Variants in DLGAP3 observed in about 807,000 individuals in gnomAD.
DLGAP3 encodes DLG associated protein 3.
Under a neutral mutation model 81.2 loss-of-function variants are expected in DLGAP3, and 17 were observed. The ratio of observed to expected loss-of-function variants is 0.21; its 90% CI spans 0.14 to 0.31. The LOEUF is 0.31. Among genes scored for constraint, DLGAP3 ranks in the 10% least tolerant of loss-of-function variants. DLGAP3 has a pLI of 1.00. For missense variants in DLGAP3, 1,124 were observed against 1,388.0 expected (o/e 0.81, Z 3.02); for synonymous variants, 577 against 587.4 (o/e 0.98, Z 0.26).
rs554804086 is a variant in DLGAP3, at chr1:34,877,676, T to C, written c.2000+7302A>G. ...GAGAAACTTAAGAAGGAAATTAAAGTGTTCCAAGATTCTTGTTTTGTGCCT... is the reference window on the plus strand; with the variant it reads ...GAGAAACTTAAGAAGGAAATTAAAGCGTTCCAAGATTCTTGTTTTGTGCCT... On this transcript the variant is annotated intron_variant, in intron 8 of 11. Coordinates refer to ENST00000373347, the MANE Select transcript of DLGAP3 (RefSeq NM_001080418.3). Among the ~76,000 whole-genome samples the C allele has an allele frequency of 1.3e-3, 202 of 152,200 alleles. 2 individuals carry two copies. The highest frequency in any genetic ancestry group is 2.2e-3 in the Non-Finnish European group (150 of 68,004).
chr1:34,912,797 G>A (rs909922700), intron 1 of DLGAP3, among the ~76,000 whole-genome samples: 6 of 152,140 alleles, frequency 3.9e-5, no homozygotes, highest in African/African-American at 1.4e-4. Context: ...CCTTCACACT[G>A]GGAGCCCTAA....
Position 34,867,124 on chromosome 1 carries a change from G to C in DLGAP3, c.2645C>G (p.Ser882Cys), listed in dbSNP as rs1638896428. 6.2e-7 allele frequency: 1 copy of C among 1,614,076 alleles called. No homozygotes were observed. Among genetic ancestry groups the C allele is most frequent in the Non-Finnish European group, 8.5e-7 (1 of 1,180,038 alleles). The change falls in exon 11 of 12, where the codon TCC becomes TGC. Residue 882 changes from serine to cysteine, a missense_variant. By Grantham distance (112) the Ser-to-Cys change is moderately radical. Coordinates refer to ENST00000373347, the MANE Select transcript of DLGAP3 (RefSeq NM_001080418.3). This position sits in a 1 kb window ranked among gnomAD's most constrained non-coding sequence, Gnocchi z 4.3. Reference protein sequence around the residue: ...LAGFWDLLQLSIEDVTLKFLE... With the variant: ...LAGFWDLLQLCIEDVTLKFLE... ...GAACTTGAGGGTCACATCCTCGATG[G>C]AGAGCTGTAGGAGGTCCCAGAAACC...
chr1:34,884,101 T>C (rs1008182910), intron 8 of DLGAP3, among the ~76,000 whole-genome samples: 2 of 151,968 alleles, frequency 1.3e-5, no homozygotes, highest in African/African-American at 4.8e-5. Flanking sequence ...GTATTTTTAG[T>C]AGAGATGGGG....
At position 34,919,915 on chromosome 1, in the gene DLGAP3, A is replaced by G. The variant is rs1639772089; in HGVS notation, c.-135+9536T>C. On this transcript the variant is annotated intron_variant, in intron 1 of 11. Coordinates refer to ENST00000373347, the MANE Select transcript of DLGAP3 (RefSeq NM_001080418.3). The stretch of plus-strand genomic sequence containing the variant: ...CCCATATACCTGAATTCACATCACA[A>G]CCCTGGGGACAAATCATTCCTAAGT... Among the ~76,000 whole-genome samples the G allele has an allele frequency of 2.6e-5, 4 of 152,118 alleles. No homozygotes were observed. The South Asian group carries it at 8.3e-4, about 32-fold the overall frequency.
In DLGAP3 at chr1:34,868,551, G is replaced by C. The variant is rs1231889926; in HGVS notation, c.2485+54C>G. On this transcript the variant is annotated intron_variant, in intron 9 of 11. Transcript: ENST00000373347. This position sits in a 1 kb window ranked among gnomAD's most constrained non-coding sequence, Gnocchi z 7.5. ...AGCCACCCCCATCAGGGTCTCCTGA[G>C]CACACACGAGGCCATGGTCCCCAGA... 4 of 1,501,208 alleles carry C rather than the reference G, an allele frequency of 2.7e-6. No individual in the cohort carries two copies. The highest frequency in any genetic ancestry group is 1.7e-5 in the Admixed American group (1 of 59,804). 93.0% of individuals were successfully genotyped at this position (1,501,208 alleles called of 1,614,324 possible). A position where few individuals can be genotyped will look rare whatever the true frequency, so the allele number is the denominator to read the frequency against.
At chr1:34,898,626 T>C (rs923244293) in intron 5 of DLGAP3, among the ~76,000 whole-genome samples, 12 of 152,216 alleles carry the variant, frequency 7.9e-5, no homozygotes, top group Admixed American at 2.6e-4. Flanking sequence ...CTAACCTTTA[T>C]TGAGTGCTGG....
Position 34,868,672 on chromosome 1 carries a change from C to T in DLGAP3, c.2418G>A (p.Val806=), listed in dbSNP as rs1319456710. ...GCTGGCACCAGTGCTCCAGCTTCTC[C>T]ACCTCTGCCCGCAGCATCTTGATGA... The part of the protein sequence containing the change: ...EWFIKMLRAE[V]EKLEHWCQQM... Residue 806 remains valine (V), a synonymous_variant, in exon 9 of 12, where the codon GTG becomes GTA. Coordinates refer to ENST00000373347, the MANE Select transcript of DLGAP3 (RefSeq NM_001080418.3). The surrounding 1 kb of genome is among the most constrained non-coding windows in gnomAD (Gnocchi z 7.5). The T allele has an allele frequency of 4.3e-6, 7 of 1,612,696 alleles. No homozygotes were observed. Among genetic ancestry groups the T allele is most frequent in the Non-Finnish European group, 5.9e-6 (7 of 1,180,024 alleles).
chr1:34,867,437 G>A lies in DLGAP3; in HGVS notation c.2577+99C>T. On this transcript the variant is annotated intron_variant, in intron 10 of 11. Coordinates refer to ENST00000373347, the MANE Select transcript of DLGAP3 (RefSeq NM_001080418.3). The surrounding 1 kb of genome is among the most constrained non-coding windows in gnomAD (Gnocchi z 4.3). Reference sequence around the variant, plus strand: ...GGCATGCAGGCCTGGTCTCACCTCTGGTACACACTCACTCTGGGTCACCTG... The same window carrying A: ...GGCATGCAGGCCTGGTCTCACCTCTAGTACACACTCACTCTGGGTCACCTG... 8.7e-7 allele frequency: 1 copy of A among 1,153,970 alleles called. No homozygotes were observed. Among genetic ancestry groups the A allele is most frequent in the East Asian group, 2.3e-5 (1 of 42,870 alleles). 71.5% of individuals were successfully genotyped at this position (1,153,970 alleles called of 1,614,324 possible).
chr1:34,895,295 G>A lies in DLGAP3; in HGVS notation c.1386+4374C>T, dbSNP rs1429455978. 6.6e-6 allele frequency among the ~76,000 whole-genome samples: 1 copy of A among 151,238 alleles called. No individual in the cohort carries two copies. Among genetic ancestry groups the A allele is most frequent in the East Asian group, 1.9e-4 (1 of 5,172 alleles). On this transcript the variant is annotated intron_variant, in intron 5 of 11. Transcript: ENST00000373347. The surrounding 1 kb of genome is among the most constrained non-coding windows in gnomAD (Gnocchi z 4.5). ...AGGCAGAAGAATGGCGTGAACCCAG[G>A]AAGCGGAGCTTGCAGTGAGCCGAGA...
At chr1:34,901,607 T>C (rs1453996118) in intron 3 of DLGAP3, among the ~76,000 whole-genome samples, 3 of 152,174 alleles carry the variant, frequency 2.0e-5, no homozygotes, top group Admixed American at 6.5e-5. Flanking sequence ...AATGAGCCAA[T>C]AGAGAGTTTC....
Position 34,900,446 on chromosome 1 carries a change from G to A in DLGAP3, c.1108-173C>T, listed in dbSNP as rs1160400457. Among the ~76,000 whole-genome samples the A allele has an allele frequency of 3.9e-5, 6 of 152,198 alleles. No individual in the cohort carries two copies. In the South Asian group the frequency reaches 8.3e-4, roughly 21 times the overall value. Reference sequence around the variant, plus strand: ...CTCAGGCTGTCCCCGTCCCTTACAAGAGACACCTCGTCATCCTCCACAGAC... The same window carrying A: ...CTCAGGCTGTCCCCGTCCCTTACAAAAGACACCTCGTCATCCTCCACAGAC... On this transcript the variant is annotated intron_variant, in intron 3 of 11. Coordinates refer to ENST00000373347, the MANE Select transcript of DLGAP3 (RefSeq NM_001080418.3). This position sits in a 1 kb window ranked among gnomAD's most constrained non-coding sequence, Gnocchi z 5.6.
intron 8 of DLGAP3, among the ~76,000 whole-genome samples, chr1:34,884,537 G>T (rs1639190203): frequency 6.6e-6 from 1 of 150,644 alleles, no homozygotes; most frequent in Non-Finnish European, 1.5e-5. Context: ...CAAGTGAGGA[G>T]GAGTGTTATA....
intron 8 of DLGAP3, among the ~76,000 whole-genome samples, chr1:34,876,164 G>A (rs990488990): frequency 5.9e-5 from 9 of 152,168 alleles, no homozygotes; most frequent in Non-Finnish European, 2.9e-5. Context: ...GGGGGGGTGG[G>A]GGTGTGCAGT....
intron 5 of DLGAP3, among the ~76,000 whole-genome samples, chr1:34,889,511 G>A (rs1417031681): frequency 2.0e-5 from 3 of 152,176 alleles, no homozygotes; most frequent in Admixed American, 6.5e-5. Context: ...GAATCCTCTT[G>A]GGATGAGATC....
Position 34,868,722 on chromosome 1 carries a change from G to C in DLGAP3, c.2368C>G (p.Pro790Ala). 1 of 1,610,220 alleles carries C rather than the reference G, an allele frequency of 6.2e-7. No individual in the cohort carries two copies. The highest frequency in any genetic ancestry group is 1.1e-5 in the South Asian group (1 of 91,078). Residue 790 changes from proline to alanine, a missense_variant, in exon 9 of 12, where the codon CCC becomes GCC. By Grantham distance (27) the Pro-to-Ala change is conservative. This residue lies in a region of DLGAP3 where 379 missense variants were observed against 455.7 expected (regional missense o/e 0.83). Coordinates refer to ENST00000373347, the MANE Select transcript of DLGAP3 (RefSeq NM_001080418.3). The surrounding 1 kb of genome is among the most constrained non-coding windows in gnomAD (Gnocchi z 7.5). ...RSLPDSGRAS[P>A]CPRDGEWFIK... ...AACCACTCGCCGTCGCGTGGGCAGG[G>C]GGATGCGCGGCCTGAGTCGGGGAGG...
In DLGAP3 at chr1:34,911,178, T is replaced by C. The variant is rs149708095; in HGVS notation, c.-134-3741A>G. On this transcript the variant is annotated intron_variant, in intron 1 of 11. Coordinates refer to ENST00000373347, the MANE Select transcript of DLGAP3 (RefSeq NM_001080418.3). ...AGCCTTAGCTTTTCCCCTGTCTGTGTTGCCAGCCCAGAGAAGTCAAACTTA... is the reference window on the plus strand; with the variant it reads ...AGCCTTAGCTTTTCCCCTGTCTGTGCTGCCAGCCCAGAGAAGTCAAACTTA... Among the ~76,000 whole-genome samples, 937 of 152,232 alleles carry C rather than the reference T, an allele frequency of 6.2e-3. 9 individuals are homozygous for C. The highest frequency in any genetic ancestry group is 0.021 in the African/African-American group (887 of 41,532).
Position 34,904,831 on chromosome 1 carries a change from G to T in DLGAP3, c.553C>A (p.His185Asn). ...HSVQKLFAKS[H>N]SLEAPGKRDY... ...CGCTTCCCCGGCGCCTCCAGAGAGTGGGACTTGGCAAAGAGCTTCTGCACA... is the reference window on the plus strand; with the variant it reads ...CGCTTCCCCGGCGCCTCCAGAGAGTTGGACTTGGCAAAGAGCTTCTGCACA... Residue 185 changes from histidine to asparagine, a missense_variant, in exon 3 of 12, where the codon CAC (histidine) becomes AAC (asparagine). This residue lies in a region of DLGAP3 where 65 missense variants were observed against 78.2 expected (regional missense o/e 0.83). Coordinates refer to ENST00000373347, the MANE Select transcript of DLGAP3 (RefSeq NM_001080418.3). This position sits in a 1 kb window ranked among gnomAD's most constrained non-coding sequence, Gnocchi z 8.1. 3.7e-6 allele frequency: 6 copies of T among 1,610,190 alleles called. No individual in the cohort carries two copies. The highest frequency in any genetic ancestry group is 5.1e-6 in the Non-Finnish European group (6 of 1,180,012).
chr1:34,887,475 C>T (rs1047939325), intron 5 of DLGAP3, among the ~76,000 whole-genome samples: 4 of 151,894 alleles, frequency 2.6e-5, no homozygotes, highest in African/African-American at 9.7e-5. Context: ...CTGTGCCGCA[C>T]ACCACCACAT....
At chr1:34,899,079 C>A (rs1639416009) in intron 5 of DLGAP3, among the ~76,000 whole-genome samples, 1 of 140,614 alleles carries the variant, frequency 7.1e-6, no homozygotes, top group Admixed American at 7.8e-5. Context: ...CTGTACAAAT[C>A]AATTCTACTT....
Sources: gnomAD v4.1 joint callset for allele counts (sites outside exome capture counted in the v4.1 genomes callset) on GRCh38, gnomAD v4.1.1 for gene constraint, gnomAD v4.1.1 regional missense constraint, Gnocchi (gnomAD v3.1) non-coding constraint, MANE v1.5 for transcripts, NCBI Gene and HGNC (gene_info 2026-07-23, HGNC 2026-07-21) for gene names.